Variants in ABHD12 observed in about 807,000 individuals in gnomAD.
ABHD12 encodes the protein lysophosphatidylserine lipase ABHD12.
ABHD12 carries 43 observed loss-of-function variants against 58.3 expected under a neutral mutation model. The ratio of observed to expected loss-of-function variants is 0.74; its 90% CI spans 0.58 to 0.95. ABHD12 has a LOEUF of 0.95. Among genes scored for constraint, ABHD12 ranks in the 40% least tolerant of loss-of-function variants. ABHD12 has a pLI of 0.00. For synonymous variants in ABHD12, 219 were observed against 211.2 expected, an observed-to-expected ratio of 1.04 and a Z score of -0.32; for missense variants, 539 against 537.2, an observed-to-expected ratio of 1.00 and a Z score of -0.03.
intron 1 of ABHD12, chr20:25,368,640 C>T (rs986204003): frequency 3.6e-6 from 5 of 1,372,028 alleles, no homozygotes; most frequent in Admixed American, 1.7e-5. Context: ...CAAATCCTTT[C>T]TCGCCAGTGC....
rs554522263 is a variant in ABHD12, at chr20:25,387,833, G to A, written c.191+2680C>T. Among the ~76,000 whole-genome samples the A allele has an allele frequency of 1.1e-4, 17 of 151,848 alleles. No individual in the cohort carries two copies. In the South Asian group the frequency reaches 2.1e-3, roughly 19 times the overall value. On this transcript the variant is annotated intron_variant, in intron 1 of 12. Coordinates refer to ENST00000339157, the MANE Select transcript of ABHD12 (RefSeq NM_001042472.3). ...CGAGGTGGGTGGATCACGAGGTCACGAGTTCGAGACCAGCCTGGCCAACAT... is the reference window on the plus strand; with the variant it reads ...CGAGGTGGGTGGATCACGAGGTCACAAGTTCGAGACCAGCCTGGCCAACAT...
In ABHD12 at chr20:25,358,996, GTTAAA is replaced by G. The variant is rs535450847; in HGVS notation, c.192-19650_192-19646del. ...AACCAAAATGTTAACAATAGTTACT[GTTAAA>G]TTAATCTGGAATTATTTTAGCATAT... On this transcript the variant is annotated intron_variant, in intron 1 of 12. Coordinates refer to ENST00000339157, the MANE Select transcript of ABHD12 (RefSeq NM_001042472.3). Among the ~76,000 whole-genome samples the G allele has an allele frequency of 1.7e-4, 26 of 150,418 alleles. No individual in the cohort carries two copies. The East Asian group carries it at 4.9e-3, about 28-fold the overall frequency.
chr20:25,354,231 A>C (rs140868489), intron 1 of ABHD12, among the ~76,000 whole-genome samples: 130 of 152,288 alleles, frequency 8.5e-4, no homozygotes, highest in African/African-American at 3.0e-3. Flanking sequence ...AAAACCAAAA[A>C]CCAGAATCTG....
intron 1 of ABHD12, chr20:25,368,557 A>G (rs1600862816): frequency 7.1e-7 from 1 of 1,409,704 alleles, no homozygotes; most frequent in South Asian, 1.2e-5. Context: ...CACCAGTGCC[A>G]TTATGGGTGT....
chr20:25,302,044 G>T (rs2088644798), intron 12 of ABHD12, among the ~76,000 whole-genome samples, 175 bp downstream of exon 12: 1 of 152,208 alleles, frequency 6.6e-6, no homozygotes, highest in African/African-American at 2.4e-5. Flanking sequence ...CCTGGAGCAG[G>T]AGAGAGGCAC....
chr20:25,322,320 A>C lies in ABHD12; in HGVS notation c.422+1005T>G, dbSNP rs182103549. ...GGTGCGAAGCTATATGTGAAAAGAA[A>C]TCAAGCTGTTTTCAGTATCTAGATG... is the stretch of plus-strand genomic sequence containing the variant. On this transcript the variant is annotated intron_variant, in intron 3 of 12. Transcript: ENST00000339157. 1.6e-3 allele frequency among the ~76,000 whole-genome samples: 227 copies of C among 145,406 alleles called. 2 individuals are homozygous for C. Among genetic ancestry groups the C allele is most frequent in the African/African-American group, 5.3e-3 (211 of 39,450 alleles).
intron 1 of ABHD12, among the ~76,000 whole-genome samples, chr20:25,363,056 G>T (rs1404796921): frequency 6.6e-6 from 1 of 151,892 alleles, no homozygotes; most frequent in African/African-American, 2.4e-5. Context: ...TTTTATAAGG[G>T]TTATCTATTT....
rs2089040438 is a variant in ABHD12, at chr20:25,320,205, C to G, written c.536G>C (p.Gly179Ala). The G allele has an allele frequency of 6.2e-7, 1 of 1,613,972 alleles. No homozygotes were observed. Residue 179 changes from glycine (G) to alanine (A), a missense_variant, in exon 4 of 13, where the codon GGT becomes GCT. Transcript: ENST00000339157. Reference sequence around the variant, plus strand: ...ATGGGCTCCTCTCCCTCACCTGGTACCTGCGTTCCCATGCAGGTACAGAAT... The same window carrying G: ...ATGGGCTCCTCTCCCTCACCTGGTAGCTGCGTTCCCATGCAGGTACAGAAT... ...PIILYLHGNA[G>A]TRGGDHRVEL...
downstream of ABHD12, among the ~76,000 whole-genome samples, chr20:25,299,535 T>C (rs968067437): frequency 1.3e-5 from 2 of 148,932 alleles, no homozygotes; most frequent in Non-Finnish European, 3.0e-5. Context: ...CCAGCCCAGG[T>C]AGAGTGGGTC....
intron 2 of ABHD12, among the ~76,000 whole-genome samples, chr20:25,335,084 A>G (rs1465375315): frequency 2.7e-5 from 4 of 150,616 alleles, no homozygotes; most frequent in Admixed American, 2.0e-4. Flanking sequence ...TCCAGAATCT[A>G]CAATGAACTC....
chr20:25,320,464 T>G (rs892562059), intron 3 of ABHD12, 146 bp from the exon 4 acceptor site: 291 of 1,074,256 alleles, frequency 2.7e-4, no homozygotes, highest in Non-Finnish European at 3.8e-4. Flanking sequence ...CAGATGGGGG[T>G]GGGTGGTAGA....
At chr20:25,376,681 G>A (rs1436682774) in intron 1 of ABHD12, among the ~76,000 whole-genome samples, 2 of 152,090 alleles carry the variant, frequency 1.3e-5, no homozygotes, top group Admixed American at 1.3e-4. Flanking sequence ...TATCTTTGTT[G>A]CCGTGTTTCT....
chr20:25,344,710 TA>T (rs2089496119), intron 1 of ABHD12, among the ~76,000 whole-genome samples: 1 of 152,156 alleles, frequency 6.6e-6, no homozygotes, highest in Admixed American at 6.5e-5. Context: ...TAGACAGCAT[TA>T]AAGGAGAAGA....
intron 1 of ABHD12, among the ~76,000 whole-genome samples, chr20:25,372,643 AT>A (rs1187276074): frequency 6.6e-6 from 1 of 152,242 alleles, no homozygotes; most frequent in Non-Finnish European, 1.5e-5. Flanking sequence ...CAGTACAGTC[AT>A]GCAAACTGCA....
intron 6 of ABHD12, among the ~76,000 whole-genome samples, chr20:25,311,916 C>CA (rs1276160369): frequency 1.3e-5 from 2 of 152,082 alleles, no homozygotes; most frequent in Non-Finnish European, 2.9e-5. Context: ...CCACGCTGCC[C>CA]AGGCTTATCT....
intron 2 of ABHD12, among the ~76,000 whole-genome samples, chr20:25,331,097 AC>A (rs2089266663): frequency 6.6e-6 from 1 of 152,206 alleles, no homozygotes; most frequent in African/African-American, 2.4e-5. Flanking sequence ...AACTAGAATA[AC>A]CAATACAGAG....
chr20:25,358,899 G>A (rs546622529), intron 1 of ABHD12, among the ~76,000 whole-genome samples: 1 of 152,260 alleles, frequency 6.6e-6, no homozygotes, highest in Admixed American at 6.5e-5. Context: ...CCAGAATATA[G>A]TGGTTTTACA....
intron 1 of ABHD12, among the ~76,000 whole-genome samples, chr20:25,376,158 G>GTTTTCATCAACT (rs1445124183): frequency 4.6e-5 from 7 of 152,038 alleles, no homozygotes; most frequent in Admixed American, 1.3e-4. Flanking sequence ...TCTACAATTA[G>GTTTTCATCAACT]TTTTCATCAA....
chr20:25,328,031 T>A (rs935862348), intron 2 of ABHD12, among the ~76,000 whole-genome samples: 1 of 151,940 alleles, frequency 6.6e-6, no homozygotes, highest in Non-Finnish European at 1.5e-5. Flanking sequence ...ACCCACCAAG[T>A]TGTCCTTAAA....
Sources: allele counts gnomAD v4.1 joint callset (sites outside exome capture counted in the v4.1 genomes callset), GRCh38; gene constraint gnomAD v4.1.1; transcripts MANE v1.5; gene names NCBI Gene and HGNC (gene_info 2026-07-23, HGNC 2026-07-21).